The following EPB41L1 variants were observed in gnomAD, a reference collection of about 807,000 sequenced individuals.
EPB41L1 encodes the protein erythrocyte membrane protein band 4.1 like 1.
EPB41L1 carries 29 observed loss-of-function variants against 97.8 expected under a neutral mutation model. The observed-to-expected ratio is 0.30, with a 90% CI of 0.22 to 0.40. EPB41L1 has a LOEUF of 0.40. Among genes scored for constraint, EPB41L1 ranks in the 10% least tolerant of loss-of-function variants. The pLI is 1.00. For synonymous variants in EPB41L1, 383 were observed against 459.2 expected (o/e 0.83, Z 2.12); for missense variants, 812 against 1,162.3 (o/e 0.70, Z 4.38).
At chr20:36,152,354 T>C (rs2060090958), upstream of EPB41L1, 1 of 152,820 alleles carries the variant, frequency 6.5e-6, no homozygotes, top group Admixed American at 6.5e-5. Context: ...CTTTGGAGTG[T>C]AGCCTGGATT....
intron 2 of EPB41L1, among the ~76,000 whole-genome samples, chr20:36,174,854 G>T (rs1476800314): frequency 6.6e-6 from 1 of 152,166 alleles, no homozygotes; most frequent in East Asian, 1.9e-4. Flanking sequence ...AGTAACAGAG[G>T]TGAAGACAAA....
At chr20:36,172,631 C>T (rs1477643975) in intron 1 of EPB41L1, among the ~76,000 whole-genome samples, 1 of 152,110 alleles carries the variant, frequency 6.6e-6, no homozygotes, top group Non-Finnish European at 1.5e-5. Context: ...GAAGGAGTCT[C>T]ACACTGTTGC....
At chr20:36,222,493 CT>C in intron 21 of EPB41L1, 99 bp downstream of exon 21, 2 of 966,194 alleles carry the variant, frequency 2.1e-6, no homozygotes, top group Non-Finnish European at 3.3e-6. Context: ...GGCTTGACCC[CT>C]AGTGCAGCTT....
intron 17 of EPB41L1, among the ~76,000 whole-genome samples, chr20:36,217,333 G>A (rs1271508719): frequency 1.3e-5 from 2 of 152,178 alleles, no homozygotes; most frequent in African/African-American, 4.8e-5. Flanking sequence ...TTGAGTAGCC[G>A]AGGTGGCCCA....
At chr20:36,176,036 C>G (rs2061213016) in intron 3 of EPB41L1, among the ~76,000 whole-genome samples, 2 of 152,190 alleles carry the variant, frequency 1.3e-5, no homozygotes, top group Non-Finnish European at 2.9e-5. Context: ...ACTGGGCTCC[C>G]CTATTCACCC....
chr20:36,190,407 G>A lies in EPB41L1; in HGVS notation c.1124+33G>A. On this transcript the variant is annotated intron_variant, in intron 10 of 21. Coordinates refer to ENST00000338074, the MANE Select transcript of EPB41L1 (RefSeq NM_012156.2). This position sits in a 1 kb window ranked among gnomAD's most constrained non-coding sequence, Gnocchi z 5.8. Reference sequence around the variant, plus strand: ...TGACCTTGGATGGGGTAATGGGGATGGGGCAGAGGCCATGTGTATGGAGGG... The same window carrying A: ...TGACCTTGGATGGGGTAATGGGGATAGGGCAGAGGCCATGTGTATGGAGGG... 3 of 1,606,876 alleles carry A rather than the reference G, an allele frequency of 1.9e-6. No homozygotes were observed. The highest frequency in any genetic ancestry group is 2.6e-6 in the Non-Finnish European group (3 of 1,174,744).
chr20:36,226,851 G>A (rs1475238583), intron 21 of EPB41L1, among the ~76,000 whole-genome samples: 1 of 152,118 alleles, frequency 6.6e-6, no homozygotes, highest in Non-Finnish European at 1.5e-5. Context: ...CCAGAATAAT[G>A]ATTACACTGA....
chr20:36,154,692 C>T, upstream of EPB41L1: 3 of 982,516 alleles, frequency 3.1e-6, no homozygotes, highest in Non-Finnish European at 3.6e-6. This position sits in a 1 kb window ranked among gnomAD's most constrained non-coding sequence, Gnocchi z 5.5. Flanking sequence ...GGGCACCGTG[C>T]CCAGCCCCTG....
chr20:36,139,924 T>A (rs796632599), intron 2 of EPB41L1, among the ~76,000 whole-genome samples: 1 of 151,916 alleles, frequency 6.6e-6, no homozygotes, highest in South Asian at 2.1e-4. Flanking sequence ...AGAGATGGAG[T>A]TTCTCCATGT....
intron 2 of EPB41L1, among the ~76,000 whole-genome samples, chr20:36,141,408 G>C (rs2059634357): frequency 6.6e-6 from 1 of 152,176 alleles, no homozygotes; most frequent in Non-Finnish European, 1.5e-5. Flanking sequence ...CATGAATAGG[G>C]AGCCCTGGAG....
rs1362066745 is a variant in EPB41L1, at chr20:36,121,990, A to T, written c.-10+9510A>T. ...GGGCAGCTTTCCCCAAGACTTTGCC[A>T]GGTGTCACCAAACTATGCTGGAACC... On this transcript the variant is annotated intron_variant, in intron 2 of 19. Transcript: ENST00000202028. Among the ~76,000 whole-genome samples, 4 of 152,218 alleles carry T rather than the reference A, an allele frequency of 2.6e-5. No homozygotes were observed. The East Asian group carries it at 7.7e-4, about 29-fold the overall frequency.
chr20:36,168,816 T>C (rs1261694463), intron 1 of EPB41L1, among the ~76,000 whole-genome samples: 1 of 151,988 alleles, frequency 6.6e-6, no homozygotes, highest in Non-Finnish European at 1.5e-5. Flanking sequence ...CCTCCTAAAG[T>C]GCTGGTATTA....
Position 36,206,297 on chromosome 20 carries a change from A to G in EPB41L1, c.1669-3191A>G. ...ACAGAGCTGAGGAAGGGGCTGGAGG[A>G]GCCTCACACTTGTGGGAGACCCACT... On this transcript the variant is annotated intron_variant, in intron 14 of 21. Coordinates refer to ENST00000338074, the MANE Select transcript of EPB41L1 (RefSeq NM_012156.2). This position sits in a 1 kb window ranked among gnomAD's most constrained non-coding sequence, Gnocchi z 5.5. 1 of 1,289,878 alleles carries G rather than the reference A, an allele frequency of 7.8e-7. No individual in the cohort carries two copies. The highest frequency in any genetic ancestry group is 1.0e-6 in the Non-Finnish European group (1 of 988,884). The allele number at this position is 1,289,878 out of a possible 1,614,324, so 79.9% of individuals were successfully genotyped here.
Position 36,206,427 on chromosome 20 carries a change from T to G in EPB41L1, c.1669-3061T>G, listed in dbSNP as rs1319361904. 4 of 1,289,926 alleles carry G rather than the reference T, an allele frequency of 3.1e-6. No homozygotes were observed. In the South Asian group the frequency reaches 4.9e-5, roughly 16 times the overall value. The allele number at this position is 1,289,926 out of a possible 1,614,324, so 79.9% of individuals were successfully genotyped here. The stretch of plus-strand genomic sequence containing the variant: ...ATCCAGCCCACGCAGAAGCCAGAGC[T>G]GAGTTGAGCAATGAAACTGATACTT... On this transcript the variant is annotated intron_variant, in intron 14 of 21. Transcript: ENST00000338074. The surrounding 1 kb of genome is among the most constrained non-coding windows in gnomAD (Gnocchi z 5.5).
At chr20:36,201,068 G>GGAAT in intron 14 of EPB41L1, 1 of 428,514 alleles carries the variant, frequency 2.3e-6, no homozygotes. Context: ...TGGGGTGAGG[G>GGAAT]GAATGTACCA....
At chr20:36,219,190 CAT>C (rs1296900268) in intron 18 of EPB41L1, among the ~76,000 whole-genome samples, 3 of 152,196 alleles carry the variant, frequency 2.0e-5, no homozygotes, top group African/African-American at 7.2e-5. Flanking sequence ...GCATTGGTGA[CAT>C]GTGAGGGTAA....
upstream of EPB41L1, chr20:36,152,740 C>A (rs141162170): frequency 3.0e-5 from 10 of 329,330 alleles, no homozygotes; most frequent in Non-Finnish European, 4.8e-5. Context: ...GAGCTAAACT[C>A]AAACAGAGCA....
In EPB41L1 at chr20:36,195,394, C is replaced by T. The variant is rs1238609152; in HGVS notation, c.1485+30C>T. 7 of 1,613,542 alleles carry T rather than the reference C, an allele frequency of 4.3e-6. No individual in the cohort carries two copies. Among genetic ancestry groups the T allele is most frequent in the Non-Finnish European group, 5.9e-6 (7 of 1,179,622 alleles). On this transcript the variant is annotated intron_variant, in intron 13 of 21. Transcript: ENST00000338074. The surrounding 1 kb of genome is among the most constrained non-coding windows in gnomAD (Gnocchi z 4.6). ...TGCATGGGACCTGTCCCTCCCTACC[C>T]AGCCGTTCCCATCCCTAGCTCATTT...
At chr20:36,186,291 A>C (rs906774393) in intron 7 of EPB41L1, among the ~76,000 whole-genome samples, 1 of 152,198 alleles carries the variant, frequency 6.6e-6, no homozygotes, top group Non-Finnish European at 1.5e-5. Flanking sequence ...TGGGGACTCA[A>C]TATAATTAAT....
Sources: allele counts gnomAD v4.1 joint callset (sites outside exome capture counted in the v4.1 genomes callset), GRCh38; gene constraint gnomAD v4.1.1; non-coding constraint Gnocchi (gnomAD v3.1); transcripts MANE v1.5; gene names NCBI Gene and HGNC (gene_info 2026-07-23, HGNC 2026-07-21).